The following GRIK2 variants were observed in gnomAD, a reference collection of about 807,000 sequenced individuals.
GRIK2 encodes glutamate receptor ionotropic, kainate 2.
A neutral mutation model predicts 100.3 loss-of-function variants in GRIK2; 32 were observed. That is an observed-to-expected ratio of 0.32 (90% CI 0.24 to 0.43). GRIK2 has a LOEUF of 0.43. Ranked by LOEUF, GRIK2 falls within the 20% of genes least tolerant of loss-of-function variation. The pLI is 1.00. For synonymous variants in GRIK2, 417 were observed against 389.4 expected, an observed-to-expected ratio of 1.07 and a Z score of -0.83; for missense variants, 843 against 1,114.9, an observed-to-expected ratio of 0.76 and a Z score of 3.47.
chr6:101,600,898 T>A (rs1779180804), intron 2 of GRIK2, among the ~76,000 whole-genome samples: 1 of 151,806 alleles, frequency 6.6e-6, no homozygotes, highest in African/African-American at 2.4e-5. Flanking sequence ...TCCTTTTTTT[T>A]ATTTCTCTTT....
chr6:101,441,687 A>G (rs9390746), intron 2 of GRIK2, among the ~76,000 whole-genome samples: 8,380 of 152,084 alleles, frequency 0.055, 565 homozygotes, highest in East Asian at 0.34. Context: ...GGTTTGTTAC[A>G]TGAGTAAACA....
chr6:101,638,379 T>C (rs1781122040), intron 4 of GRIK2, among the ~76,000 whole-genome samples: 1 of 151,420 alleles, frequency 6.6e-6, no homozygotes. Flanking sequence ...ACGTGATAGG[T>C]GTTATGAAGA....
chr6:101,536,268 C>T (rs886503798), intron 2 of GRIK2, among the ~76,000 whole-genome samples: 1 of 151,576 alleles, frequency 6.6e-6, no homozygotes, highest in Non-Finnish European at 1.5e-5. Flanking sequence ...GTTTCTACAG[C>T]GTCTTAGATA....
chr6:101,846,006 T>G (rs1032018958), intron 10 of GRIK2, among the ~76,000 whole-genome samples: 2 of 149,074 alleles, frequency 1.3e-5, no homozygotes, highest in African/African-American at 5.2e-5. Flanking sequence ...TAAACAGCAT[T>G]GTTTTTTTTT....
chr6:101,868,756 T>C (rs1025236068), intron 11 of GRIK2, among the ~76,000 whole-genome samples: 10 of 151,832 alleles, frequency 6.6e-5, no homozygotes, highest in Admixed American at 5.9e-4. Context: ...GCATAAAGTT[T>C]CTTTTCAAAG....
intron 4 of GRIK2, among the ~76,000 whole-genome samples, chr6:101,636,249 G>C (rs996853516): frequency 1.3e-5 from 2 of 152,074 alleles, no homozygotes; most frequent in Non-Finnish European, 2.9e-5. Context: ...ACTAACACAA[G>C]AACAGAAAAC....
At chr6:101,750,769 C>G (rs534510410) in intron 7 of GRIK2, among the ~76,000 whole-genome samples, 1 of 152,228 alleles carries the variant, frequency 6.6e-6, no homozygotes, top group African/African-American at 2.4e-5. Context: ...TTAGGTTAAG[C>G]CTTGTGGATT....
At chr6:101,947,865 C>A (rs1345968083) in intron 14 of GRIK2, among the ~76,000 whole-genome samples, 1 of 152,112 alleles carries the variant, frequency 6.6e-6, no homozygotes, top group Non-Finnish European at 1.5e-5. Context: ...TGATATTTGT[C>A]AGACATGCTT....
chr6:102,010,560 AT>A (rs1795479939), intron 14 of GRIK2, among the ~76,000 whole-genome samples: 1 of 151,050 alleles, frequency 6.6e-6, no homozygotes, highest in Non-Finnish European at 1.5e-5. Context: ...ATTTTTTTGT[AT>A]TTTTTAGTAG....
chr6:101,522,290 T>C (rs2128281799), intron 2 of GRIK2, among the ~76,000 whole-genome samples: 1 of 152,270 alleles, frequency 6.6e-6, no homozygotes, highest in African/African-American at 2.4e-5. Context: ...GCTCTTTTCA[T>C]TTAGCTAATC....
chr6:101,837,521 T>G (rs1264643640), intron 10 of GRIK2, among the ~76,000 whole-genome samples: 1 of 152,168 alleles, frequency 6.6e-6, no homozygotes, highest in Non-Finnish European at 1.5e-5. Flanking sequence ...ATATATGCAG[T>G]TTTTATCTCT....
At chr6:102,054,630 C>T (rs2114502380) in intron 15 of GRIK2, among the ~76,000 whole-genome samples, 1 of 151,992 alleles carries the variant, frequency 6.6e-6, no homozygotes, top group African/African-American at 2.4e-5. Context: ...TATATTGTTG[C>T]CTCCACTGGA....
chr6:101,961,446 C>T (rs1792292876), intron 14 of GRIK2, among the ~76,000 whole-genome samples: 1 of 152,070 alleles, frequency 6.6e-6, no homozygotes, highest in Non-Finnish European at 1.5e-5. Flanking sequence ...TAGGCATACC[C>T]ATGCCAACGC....
At chr6:101,802,505 C>T in intron 9 of GRIK2, 67 bp downstream of exon 9, 3 of 578,200 alleles carry the variant, frequency 5.2e-6, no homozygotes, top group East Asian at 3.0e-5. Flanking sequence ...CAAATATTCT[C>T]TGTTGTAGTC....
intron 10 of GRIK2, among the ~76,000 whole-genome samples, chr6:101,841,369 A>ATT (rs112472112): frequency 0.18 from 27,102 of 147,024 alleles, 4,697 homozygotes; most frequent in African/African-American, 0.47. Flanking sequence ...TCTCAGAATG[A>ATT]TTTTTTTTTT....
At chr6:101,926,703 C>T (rs1789929147) in intron 13 of GRIK2, among the ~76,000 whole-genome samples, 1 of 152,150 alleles carries the variant, frequency 6.6e-6, no homozygotes, top group African/African-American at 2.4e-5. Context: ...CCATACTATT[C>T]TGGCTGATGC....
chr6:102,062,144 TTAGAG>T (rs1365724697), intron 16 of GRIK2, among the ~76,000 whole-genome samples: 5 of 150,358 alleles, frequency 3.3e-5, no homozygotes, highest in South Asian at 4.1e-4. Context: ...ACTGTTTCTG[TTAGAG>T]TAAAGGTTTC....
chr6:101,523,203 G>A lies in GRIK2; in HGVS notation c.116-98746G>A, dbSNP rs1293378757. ...AAGTAAGAGAAAACTTCGACTTTTGGCAGCCAGAAATAATTTTTCCATGAT... is the reference window on the plus strand; with the variant it reads ...AAGTAAGAGAAAACTTCGACTTTTGACAGCCAGAAATAATTTTTCCATGAT... On this transcript the variant is annotated intron_variant, in intron 2 of 16. Transcript: ENST00000369134. 2.0e-5 allele frequency among the ~76,000 whole-genome samples: 3 copies of A among 151,962 alleles called. No individual in the cohort carries two copies. In the East Asian group the frequency reaches 5.8e-4, roughly 29 times the overall value.
At chr6:102,026,111 CATATATATATATATAT>C (rs6149730) in intron 14 of GRIK2, among the ~76,000 whole-genome samples, 130 of 100,242 alleles carry the variant, frequency 1.3e-3, no homozygotes, top group African/African-American at 4.3e-3. Context: ...TATACACTTA[CATATATATATATATAT>C]ATATATATAT....
Sources: gnomAD v4.1 joint callset for allele counts (sites outside exome capture counted in the v4.1 genomes callset) on GRCh38, gnomAD v4.1.1 for gene constraint, MANE v1.5 for transcripts, NCBI Gene and HGNC (gene_info 2026-07-23, HGNC 2026-07-21) for gene names.